NSD3: variants seen among roughly 807,000 people sequenced by gnomAD.
NSD3 encodes histone-lysine N-methyltransferase NSD3.
In NSD3, 24 loss-of-function variants were observed where a neutral mutation model predicts 160.8. The ratio of observed to expected loss-of-function variants is 0.15; its 90% CI spans 0.11 to 0.21. The LOEUF (loss-of-function observed/expected upper bound fraction) is 0.21, where lower values mean the gene tolerates loss of function less well. Among genes scored for constraint, NSD3 ranks in the 10% least tolerant of loss-of-function variants. The probability of loss-of-function intolerance (pLI) is 1.00; values close to 1 mark genes in which losing one functional copy is unlikely to be tolerated. For missense variants in NSD3, 1,157 were observed against 1,735.9 expected (o/e 0.67, Z 5.93); for synonymous variants, 520 against 600.0 (o/e 0.87, Z 1.95).
chr8:38,303,380 C>A (rs1809319729), intron 14 of NSD3: 16 of 985,430 alleles, frequency 1.6e-5, no homozygotes, highest in Non-Finnish European at 1.9e-5. Context: ...GGTTTCAGAG[C>A]AGGATACATT....
intron 19 of NSD3, among the ~76,000 whole-genome samples, chr8:38,282,620 G>A (rs763866567): frequency 4.3e-4 from 66 of 152,274 alleles, no homozygotes; most frequent in Admixed American, 7.2e-4. Flanking sequence ...GCAGAGGGCC[G>A]AGATCGCGCC....
intron 12 of NSD3, among the ~76,000 whole-genome samples, chr8:38,306,097 C>T (rs758295984): frequency 2.0e-5 from 3 of 151,910 alleles, no homozygotes; most frequent in Non-Finnish European, 2.9e-5. Flanking sequence ...AATCAACATT[C>T]GCCAGGGAGA....
intron 19 of NSD3, among the ~76,000 whole-genome samples, chr8:38,282,987 T>G (rs1585852885): frequency 6.6e-6 from 1 of 152,118 alleles, no homozygotes; most frequent in African/African-American, 2.4e-5. Flanking sequence ...TGGCCAGGAG[T>G]GTGTCTGCTG....
intron 1 of NSD3, among the ~76,000 whole-genome samples, chr8:38,375,211 T>A (rs1363454726): frequency 6.6e-6 from 1 of 152,146 alleles, no homozygotes; most frequent in East Asian, 1.9e-4. Context: ...TTCATTTTCC[T>A]AGTCACTTGC....
At chr8:38,372,099 T>G (rs1204968202) in intron 1 of NSD3, among the ~76,000 whole-genome samples, 2 of 152,210 alleles carry the variant, frequency 1.3e-5, no homozygotes, top group Non-Finnish European at 2.9e-5. Context: ...GTTCCAATAC[T>G]GCAAAAGCAG....
At chr8:38,343,546 T>C (rs34451044) in intron 2 of NSD3, among the ~76,000 whole-genome samples, 15 of 151,708 alleles carry the variant, frequency 9.9e-5, no homozygotes, top group Non-Finnish European at 1.8e-4. Context: ...CTACTAAAAA[T>C]ACAAAAACTA....
intron 4 of NSD3, among the ~76,000 whole-genome samples, chr8:38,333,197 C>T (rs1810109286): frequency 6.6e-6 from 1 of 152,148 alleles, no homozygotes; most frequent in South Asian, 2.1e-4. Flanking sequence ...TCCCAAAGGA[C>T]TTAACATAAA....
rs1808918419 is a variant in NSD3, at chr8:38,288,508, C to T, written c.3480G>A (p.Arg1160=). Residue 1160 remains arginine (R), a synonymous_variant, in exon 19 of 24, where the codon AGG becomes AGA. Coordinates refer to ENST00000317025, the MANE Select transcript of NSD3 (RefSeq NM_023034.2). The surrounding 1 kb of genome is among the most constrained non-coding windows in gnomAD (Gnocchi z 4.5). The stretch of plus-strand genomic sequence containing the variant: ...CTACCTTCTTAATGCTCCTTTTGGT[C>T]CTGAGGCCCCAGCCTCTCCGCTCCG... ...IKTERRGWGL[R]TKRSIKKGEF... 1.2e-6 allele frequency: 2 copies of T among 1,613,998 alleles called. No homozygotes were observed. The highest frequency in any genetic ancestry group is 1.7e-5 in the Admixed American group (1 of 59,996).
In NSD3 at chr8:38,317,778, T is replaced by G; in HGVS notation, c.1855+1117A>C. 7.0e-7 allele frequency: 1 copy of G among 1,423,284 alleles called. No homozygotes were observed. The highest frequency in any genetic ancestry group is 9.1e-7 in the Non-Finnish European group (1 of 1,092,956). The allele number at this position is 1,423,284 out of a possible 1,614,324, so 88.2% of individuals were successfully genotyped here. ...CTCAAACCGAAAAAAAAAAATCATT[T>G]GACTGTTAAAGCAATTGTTCAGAGT... On this transcript the variant is annotated intron_variant, in intron 9 of 23. Coordinates refer to ENST00000317025, the MANE Select transcript of NSD3 (RefSeq NM_023034.2). This position sits in a 1 kb window ranked among gnomAD's most constrained non-coding sequence, Gnocchi z 5.3.
chr8:38,346,343 A>G (rs1200280389), intron 2 of NSD3, among the ~76,000 whole-genome samples: 1 of 147,452 alleles, frequency 6.8e-6, no homozygotes, highest in East Asian at 1.9e-4. Context: ...ACACATGTAT[A>G]TAGTATATAT....
chr8:38,289,769 A>G (rs2130993002), intron 17 of NSD3, among the ~76,000 whole-genome samples: 1 of 152,322 alleles, frequency 6.6e-6, no homozygotes, highest in East Asian at 1.9e-4. Context: ...AGTGACCCTA[A>G]GAGCAGCTTT....
chr8:38,294,107 T>G (rs1809076354), intron 16 of NSD3, among the ~76,000 whole-genome samples: 1 of 152,150 alleles, frequency 6.6e-6, no homozygotes, highest in African/African-American at 2.4e-5. Flanking sequence ...TGTTTTTTTC[T>G]GAGACAGGGT....
In NSD3 at chr8:38,281,586, G is replaced by A; in HGVS notation, c.3502-3C>T. 1.3e-6 allele frequency: 2 copies of A among 1,580,850 alleles called. No homozygotes were observed. The highest frequency in any genetic ancestry group is 1.7e-6 in the Non-Finnish European group (2 of 1,159,542). ...ACGTATTCATTTACAAATTCACCCT[G>A]GAGATAAATGTGCAATATGTAACTT... On this transcript the variant is annotated splice_polypyrimidine_tract_variant and splice_region_variant and intron_variant, in intron 19 of 23. Transcript: ENST00000317025.
chr8:38,377,854 AC>A (rs1227010771), intron 1 of NSD3, among the ~76,000 whole-genome samples: 1 of 151,936 alleles, frequency 6.6e-6, no homozygotes, highest in African/African-American at 2.4e-5. Context: ...AACCGCTTGA[AC>A]CGGGAGGTGA....
rs1422889355 is a variant in NSD3, at chr8:38,321,981, G to A, written c.1709-809C>T. ...ACATTGTCAGGAATGATTTCATTCT[G>A]TGAGCCTGAGGAGGAATGATACCTG... On this transcript the variant is annotated intron_variant, in intron 7 of 23. Transcript: ENST00000317025. The surrounding 1 kb of genome is among the most constrained non-coding windows in gnomAD (Gnocchi z 4.7). Among the ~76,000 whole-genome samples, 1 of 152,194 alleles carries A rather than the reference G, an allele frequency of 6.6e-6. No homozygotes were observed. Among genetic ancestry groups the A allele is most frequent in the Non-Finnish European group, 1.5e-5 (1 of 68,040 alleles).
intron 12 of NSD3, 68 bp from the exon 13 acceptor site, chr8:38,305,513 CA>C (rs1478572880): frequency 3.3e-6 from 5 of 1,512,946 alleles, no homozygotes; most frequent in Non-Finnish European, 4.5e-6. Context: ...GAAGCAGCTA[CA>C]GACATCAAAC....
intron 17 of NSD3, among the ~76,000 whole-genome samples, 158 bp from the exon 18 acceptor site, chr8:38,289,663 G>T (rs927704321): frequency 7.2e-5 from 11 of 152,144 alleles, no homozygotes; most frequent in African/African-American, 2.2e-4. Context: ...CCAGGATGGG[G>T]TAACAAAGAA....
chr8:38,282,396 C>T lies in NSD3; in HGVS notation c.3502-813G>A, dbSNP rs114126352. ...TCATTTCAAGAATGTTTTGGCTGGT[C>T]GCCGTGGCTCACGCCTGTAATCCCA... On this transcript the variant is annotated intron_variant, in intron 19 of 23. Transcript: ENST00000317025. Among the ~76,000 whole-genome samples the T allele has an allele frequency of 3.3e-3, 510 of 152,328 alleles. 3 individuals are homozygous for T. Among genetic ancestry groups the T allele is most frequent in the African/African-American group, 0.012 (489 of 41,568 alleles).
At chr8:38,367,673 C>CTGCACTCCAGCCTGGG (rs1811136694) in intron 1 of NSD3, among the ~76,000 whole-genome samples, 1 of 152,066 alleles carries the variant, frequency 6.6e-6, no homozygotes, top group Non-Finnish European at 1.5e-5. Flanking sequence ...GATTGTGCCA[C>CTGCACTCCAGCCTGGG]TGCACTCCAG....
Sources: allele counts gnomAD v4.1 joint callset (sites outside exome capture counted in the v4.1 genomes callset), GRCh38; gene constraint gnomAD v4.1.1; non-coding constraint Gnocchi (gnomAD v3.1); transcripts MANE v1.5; gene names NCBI Gene and HGNC (gene_info 2026-07-23, HGNC 2026-07-21).